The following CELF4 variants were observed in gnomAD, a reference collection of about 807,000 sequenced individuals.
The protein encoded by CELF4 is CUG-BP- and ETR-3-like factor 4.
A neutral mutation model predicts 59.9 loss-of-function variants in CELF4; 18 were observed. The ratio of observed to expected loss-of-function variants is 0.30; its 90% CI spans 0.21 to 0.45. The LOEUF is 0.45. Ranked by LOEUF, CELF4 falls within the 20% of genes least tolerant of loss-of-function variation. CELF4 has a pLI of 1.00. For synonymous variants in CELF4, 261 were observed against 267.1 expected (o/e 0.98, Z 0.22); for missense variants, 456 against 689.0 (o/e 0.66, Z 3.79).
rs567150859 is a variant in CELF4, at chr18:37,260,964, G to A, written c.1250-1700C>T. On this transcript the variant is annotated intron_variant, in intron 10 of 12. Coordinates refer to ENST00000420428, the MANE Select transcript of CELF4 (RefSeq NM_020180.4). ...GGGGTTCCTGGTGCTGGATACCCCC[G>A]AGCTCTGGTGGCCCTCCCCTCACCC... Among the ~76,000 whole-genome samples the A allele has an allele frequency of 3.9e-5, 6 of 151,994 alleles. No individual in the cohort carries two copies. The South Asian group carries it at 1.0e-3, about 26-fold the overall frequency.
chr18:37,371,988 C>T (rs1021464651), intron 2 of CELF4, among the ~76,000 whole-genome samples: 1 of 152,142 alleles, frequency 6.6e-6, no homozygotes. Flanking sequence ...CATAGACAAC[C>T]GAGCCTTAGA....
intron 3 of CELF4, 136 bp downstream of exon 3, chr18:37,321,667 C>T: frequency 1.6e-6 from 1 of 636,994 alleles, no homozygotes; most frequent in Non-Finnish European, 2.7e-6. Context: ...AAAGCTCTGT[C>T]CCCAACCCTC....
intron 2 of CELF4, among the ~76,000 whole-genome samples, chr18:37,422,783 G>T (rs759717031): frequency 1.3e-5 from 2 of 152,164 alleles, no homozygotes; most frequent in Non-Finnish European, 2.9e-5. Flanking sequence ...TTATGCCAGG[G>T]AAGCTGGCCA....
chr18:37,332,054 G>A (rs2097562623), intron 2 of CELF4, among the ~76,000 whole-genome samples: 1 of 152,148 alleles, frequency 6.6e-6, no homozygotes, highest in Non-Finnish European at 1.5e-5. Flanking sequence ...ACTGGACAGA[G>A]GTGCCCAAGA....
chr18:37,521,771 C>T (rs1275020704), intron 1 of CELF4, among the ~76,000 whole-genome samples: 2 of 152,336 alleles, frequency 1.3e-5, no homozygotes, highest in East Asian at 3.9e-4. Context: ...CCTGGCCTCT[C>T]CCGTCTGCCT....
At chr18:37,393,570 C>G (rs753071837) in intron 2 of CELF4, among the ~76,000 whole-genome samples, 1 of 152,200 alleles carries the variant, frequency 6.6e-6, no homozygotes, top group Non-Finnish European at 1.5e-5. Flanking sequence ...GCTCTGCCAG[C>G]AGCCTGCAGC....
At chr18:37,312,936 T>G (rs1168505559) in intron 3 of CELF4, among the ~76,000 whole-genome samples, 2 of 152,184 alleles carry the variant, frequency 1.3e-5, no homozygotes, top group Non-Finnish European at 2.9e-5. Context: ...AACAAGGATA[T>G]GTAGCCCCCA....
chr18:37,510,583 C>T (rs2099943118), intron 1 of CELF4, among the ~76,000 whole-genome samples: 1 of 152,244 alleles, frequency 6.6e-6, no homozygotes, highest in South Asian at 2.1e-4. Context: ...TCTCCACTTA[C>T]AGAATGAAAC....
chr18:37,393,064 TGTGTTAGAGAGACACAGGGACTGC>T (rs2099184332), intron 2 of CELF4, among the ~76,000 whole-genome samples: 1 of 41,670 alleles, frequency 2.4e-5, no homozygotes, highest in Admixed American at 2.4e-4. Context: ...GGGACTGCGG[TGTGTTAGAGAGACACAGGGACTGC>T]GGTGTGTTAG....
At position 37,414,503 on chromosome 18, in the gene CELF4, C is replaced by CTTTTT. The variant is rs55943928; in HGVS notation, c.369+71017_369+71021dup. 3.1e-4 allele frequency among the ~76,000 whole-genome samples: 36 copies of CTTTTT among 116,042 alleles called. 1 individual carries two copies. Among genetic ancestry groups the CTTTTT allele is most frequent in the South Asian group, 1.1e-3 (4 of 3,552 alleles). The allele number at this position is 116,042 out of a possible 152,430, so 76.1% of individuals were successfully genotyped here. A position where few individuals can be genotyped will look rare whatever the true frequency, so the allele number is the denominator to read the frequency against. ...CTACTCATTTTTTTTCTTTTCTTTT[C>CTTTTT]TTTTTTTTTTTTTTTTGAGACGGAG... On this transcript the variant is annotated intron_variant, in intron 2 of 12. Transcript: ENST00000420428.
At chr18:37,563,624 G>C (rs185077736) in intron 1 of CELF4, among the ~76,000 whole-genome samples, 1 of 152,190 alleles carries the variant, frequency 6.6e-6, no homozygotes, top group South Asian at 2.1e-4. Context: ...TATTTTGAAG[G>C]CTGCCTCCCC....
chr18:37,247,650 C>CACACACATACACACAT (rs960866642), intron 12 of CELF4: 1 of 152,076 alleles, frequency 6.6e-6, no homozygotes, highest in Non-Finnish European at 1.5e-5. Flanking sequence ...CACACGCACG[C>CACACACATACACACAT]ACACACATAC....
At chr18:37,356,809 C>A (rs1421985120) in intron 2 of CELF4, among the ~76,000 whole-genome samples, 1 of 152,162 alleles carries the variant, frequency 6.6e-6, no homozygotes, top group Non-Finnish European at 1.5e-5. Context: ...TCTCTCTGAC[C>A]CTGACCCAGA....
At chr18:37,401,576 G>T (rs763336180) in intron 2 of CELF4, among the ~76,000 whole-genome samples, 1 of 152,158 alleles carries the variant, frequency 6.6e-6, no homozygotes, top group Non-Finnish European at 1.5e-5. Flanking sequence ...TCTTGAGAGT[G>T]CAACCAAGAC....
intron 2 of CELF4, among the ~76,000 whole-genome samples, chr18:37,464,243 A>C (rs2099801670): frequency 6.6e-6 from 1 of 152,028 alleles, no homozygotes; most frequent in African/African-American, 2.4e-5. Context: ...GAAGAGCAGA[A>C]AAGGAGTGAA....
At chr18:37,270,268 G>C (rs1452690928) in intron 8 of CELF4, among the ~76,000 whole-genome samples, 1 of 152,224 alleles carries the variant, frequency 6.6e-6, no homozygotes, top group Non-Finnish European at 1.5e-5. Context: ...ATCACGCTTT[G>C]CGTGCACCAT....
At chr18:37,509,730 A>G (rs1031427071) in intron 1 of CELF4, among the ~76,000 whole-genome samples, 1 of 152,258 alleles carries the variant, frequency 6.6e-6, no homozygotes, top group Non-Finnish European at 1.5e-5. Flanking sequence ...CAGCAACAGT[A>G]TTCACAAAAC....
intron 3 of CELF4, among the ~76,000 whole-genome samples, chr18:37,319,388 A>C (rs2097001340): frequency 6.6e-6 from 1 of 152,088 alleles, no homozygotes; most frequent in South Asian, 2.1e-4. Context: ...GGACCAGAGC[A>C]CTCCATTGGT....
intron 1 of CELF4, among the ~76,000 whole-genome samples, chr18:37,557,117 G>A (rs1208449163): frequency 2.0e-5 from 3 of 152,230 alleles, no homozygotes; most frequent in South Asian, 4.1e-4. Flanking sequence ...AGTAGCACAG[G>A]TGCTCAAGAG....
Sources: gnomAD v4.1 joint callset for allele counts (sites outside exome capture counted in the v4.1 genomes callset) on GRCh38, gnomAD v4.1.1 for gene constraint, MANE v1.5 for transcripts, NCBI Gene and HGNC (gene_info 2026-07-23, HGNC 2026-07-21) for gene names.